ANKRD18B: variants seen among roughly 807,000 people sequenced by gnomAD.
The protein encoded by ANKRD18B is ankyrin repeat domain-containing protein 18B.
Under a neutral mutation model 111.8 loss-of-function variants are expected in ANKRD18B, and 75 were observed. That is an observed-to-expected ratio of 0.67 (90% CI 0.56 to 0.81). The LOEUF is 0.81. ANKRD18B is among the 40% of genes least tolerant of loss of function. ANKRD18B has a pLI of 0.00. For missense variants in ANKRD18B, 1,038 were observed against 1,225.5 expected (o/e 0.85, Z 2.28); for synonymous variants, 356 against 417.3 (o/e 0.85, Z 1.79).
chr9:33,534,775 T>C (rs764763839), intron 5 of ANKRD18B, among the ~76,000 whole-genome samples: 14 of 152,106 alleles, frequency 9.2e-5, no homozygotes, highest in Middle Eastern at 3.4e-3. Flanking sequence ...ATAACTCTTA[T>C]ATATGAGATA....
At chr9:33,571,508 C>T (rs1259997875) in intron 18 of ANKRD18B, 1 of 165,244 alleles carries the variant, frequency 6.1e-6, no homozygotes, top group Non-Finnish European at 1.4e-5. Flanking sequence ...TAAAAAATTC[C>T]CAAGAAGTGG....
At chr9:33,567,618 T>A (rs1828707018) in intron 16 of ANKRD18B, among the ~76,000 whole-genome samples, 1 of 152,224 alleles carries the variant, frequency 6.6e-6, no homozygotes. Flanking sequence ...AATAAAGTGA[T>A]CTTGTTATAA....
Position 33,533,486 on chromosome 9 carries a change from T to C in ANKRD18B, c.543T>C (p.His181=). The change falls in exon 4 of 19, where the codon CAT becomes CAC. Residue 181 remains histidine (H), a synonymous_variant. Coordinates refer to ENST00000684830, the MANE Select transcript of ANKRD18B (RefSeq NM_001393611.1). The part of the protein sequence containing the change: ...LLFAINSRRQ[H]MVEFLLKNQA... Reference sequence around the variant, plus strand: ...TTGCTATAAATTCCAGGAGACAGCATATGGTGGAATTTTTATTGAAGAACC... The same window carrying C: ...TTGCTATAAATTCCAGGAGACAGCACATGGTGGAATTTTTATTGAAGAACC... 6.5e-7 allele frequency: 1 copy of C among 1,534,430 alleles called. No homozygotes were observed.
At chr9:33,533,742 T>C in intron 4 of ANKRD18B, 197 bp downstream of exon 4, 8 of 1,139,874 alleles carry the variant, frequency 7.0e-6, no homozygotes, top group Non-Finnish European at 9.2e-6. Context: ...ATAGTAGGAT[T>C]CATCTTCTCT....
chr9:33,561,137 A>T (rs1828600820), intron 14 of ANKRD18B, among the ~76,000 whole-genome samples: 1 of 152,210 alleles, frequency 6.6e-6, no homozygotes, highest in Non-Finnish European at 1.5e-5. Context: ...TGGCTGCACC[A>T]CTTTACATCC....
rs561868789 is a variant in ANKRD18B, at chr9:33,565,908, C to G, written c.2461-311C>G. Among the ~76,000 whole-genome samples, 4 of 152,222 alleles carry G rather than the reference C, an allele frequency of 2.6e-5. No individual in the cohort carries two copies. The East Asian group carries it at 7.7e-4, about 29-fold the overall frequency. On this transcript the variant is annotated intron_variant, in intron 14 of 18. Coordinates refer to ENST00000684830, the MANE Select transcript of ANKRD18B (RefSeq NM_001393611.1). The stretch of plus-strand genomic sequence containing the variant: ...GATGATGAGGGAAGAGGGTTAGACA[C>G]TTTTTACTAAGAGATAACTTAGTGC...
intron 12 of ANKRD18B, among the ~76,000 whole-genome samples, chr9:33,554,052 A>T (rs1828484866): frequency 6.6e-6 from 1 of 151,522 alleles, no homozygotes; most frequent in Non-Finnish European, 1.5e-5. Context: ...AGCCTGGATG[A>T]CAGAGTGTGA....
chr9:33,532,118 C>T (rs1300229540), intron 3 of ANKRD18B, among the ~76,000 whole-genome samples: 1 of 151,994 alleles, frequency 6.6e-6, no homozygotes, highest in African/African-American at 2.4e-5. Context: ...CCTGTAGTTC[C>T]AGCTATTTGG....
downstream of ANKRD18B, among the ~76,000 whole-genome samples, chr9:33,574,811 A>G (rs10971574): frequency 0.2 from 30,124 of 152,136 alleles, 3,094 homozygotes; most frequent in Middle Eastern, 0.22. Flanking sequence ...GGGATAGAGG[A>G]CACTGACTCT....
intron 10 of ANKRD18B, among the ~76,000 whole-genome samples, chr9:33,544,350 T>C (rs1169327629): frequency 1.3e-5 from 2 of 152,192 alleles, no homozygotes; most frequent in Non-Finnish European, 2.9e-5. Context: ...TTATTTTCTA[T>C]TTTTTCTTTG....
chr9:33,558,136 A>C lies in ANKRD18B; in HGVS notation c.2409A>C (p.Leu803Phe), dbSNP rs1363184079. ...ANEDFSCHGD[L>F]NTDQLKMDIL... ...AAGACTTCAGTTGCCATGGAGACTT[A>C]AATACAGACCAACTGAAAATGGATA... Residue 803 changes from leucine (L) to phenylalanine (F), a missense_variant, in exon 14 of 19, where the codon TTA (leucine) becomes TTC (phenylalanine). Around this residue, in one of 4 missense-constraint regions of ANKRD18B, gnomAD observed 524 missense variants for 677.9 expected, o/e 0.77. Transcript: ENST00000684830. The C allele has an allele frequency of 3.7e-6, 6 of 1,611,922 alleles. No homozygotes were observed. The highest frequency in any genetic ancestry group is 5.1e-6 in the Non-Finnish European group (6 of 1,179,270).
intron 10 of ANKRD18B, 81 bp from the exon 11 acceptor site, chr9:33,547,857 T>C (rs1173826847): frequency 3.0e-6 from 3 of 1,001,382 alleles, no homozygotes; most frequent in Non-Finnish European, 4.1e-6. Flanking sequence ...TGCATGAATG[T>C]ATAGGTTGCT....
intron 17 of ANKRD18B, among the ~76,000 whole-genome samples, chr9:33,570,158 A>G (rs900720620): frequency 2.0e-5 from 3 of 152,224 alleles, no homozygotes; most frequent in Non-Finnish European, 2.9e-5. Flanking sequence ...AGCAACATGG[A>G]TACAGCTGGA....
rs200436620 is a variant in ANKRD18B at position 33,554,181 on chromosome 9, AAAAGAAAG to A, written c.2218-1511_2218-1504del. Among the ~76,000 whole-genome samples, 423 of 151,200 alleles carry A rather than the reference AAAAGAAAG, an allele frequency of 2.8e-3. 2 individuals are homozygous for A. The highest frequency in any genetic ancestry group is 4.7e-3 in the Non-Finnish European group (321 of 67,830). The stretch of plus-strand genomic sequence containing the variant: ...AAAGAAAGAGAGAAAGAAAGAAGGA[AAAAGAAAG>A]AAAGAAAGAAAGAAAAAGAAAGGAC... On this transcript the variant is annotated intron_variant, in intron 12 of 18. Transcript: ENST00000684830.
rs772447300 is a variant in ANKRD18B at position 33,528,762 on chromosome 9, T to A, written c.242T>A (p.Val81Glu). Residue 81 changes from valine (V) to glutamate (E), a missense_variant, in exon 2 of 19, where the codon GTG becomes GAG. This residue lies in a region of ANKRD18B where 216 missense variants were observed against 205.1 expected (regional missense o/e 1.05). Transcript: ENST00000684830. ...VLHLACAHGR[V>E]QVVTLLLDRK... ...CATTTGGCCTGTGCCCATGGCCGTGTGCAAGTGGTCACTCTCTTGCTGGAC... is the reference window on the plus strand; with the variant it reads ...CATTTGGCCTGTGCCCATGGCCGTGAGCAAGTGGTCACTCTCTTGCTGGAC... 5 of 1,613,224 alleles carry A rather than the reference T, an allele frequency of 3.1e-6. No individual in the cohort carries two copies. Among genetic ancestry groups the A allele is most frequent in the Non-Finnish European group, 3.4e-6 (4 of 1,179,666 alleles).
In ANKRD18B at chr9:33,543,211, G is replaced by A; in HGVS notation, c.1105G>A (p.Glu369Lys). The A allele has an allele frequency of 1.3e-6, 2 of 1,552,896 alleles. No individual in the cohort carries two copies. The highest frequency in any genetic ancestry group is 2.4e-5 in the South Asian group (2 of 84,062). Residue 369 changes from glutamate (E) to lysine (K), a missense_variant, in exon 10 of 19, where the codon GAA (glutamate) becomes AAA (lysine). Physicochemically the swap from Glu to Lys is moderately conservative, Grantham distance 56. Around this residue, in one of 4 missense-constraint regions of ANKRD18B, gnomAD observed 205 missense variants for 201.3 expected, o/e 1.02. Coordinates refer to ENST00000684830, the MANE Select transcript of ANKRD18B (RefSeq NM_001393611.1). ...KEHNLKVASEEKQERLERSEN... is the reference protein window; with the variant it reads ...KEHNLKVASEKKQERLERSEN... ...ACACAACTTAAAAGTGGCTTCAGAGGAAAAGCAAGAAAGGCTTGAAAGAAG... is the reference window on the plus strand; with the variant it reads ...ACACAACTTAAAAGTGGCTTCAGAGAAAAAGCAAGAAAGGCTTGAAAGAAG...
chr9:33,527,437 T>G (rs1828042006), intron 1 of ANKRD18B, among the ~76,000 whole-genome samples: 1 of 152,148 alleles, frequency 6.6e-6, no homozygotes, highest in Non-Finnish European at 1.5e-5. Context: ...TTATCCTGCC[T>G]CAGCCTCCCG....
chr9:33,558,429 ATAAG>A (rs1828559462), intron 14 of ANKRD18B, among the ~76,000 whole-genome samples: 1 of 151,988 alleles, frequency 6.6e-6, no homozygotes, highest in Non-Finnish European at 1.5e-5. Flanking sequence ...GCTCCCACTT[ATAAG>A]TGAGAGGATG....
intron 17 of ANKRD18B, 76 bp downstream of exon 17, chr9:33,568,969 G>A: frequency 2.3e-6 from 3 of 1,331,188 alleles, no homozygotes; most frequent in Middle Eastern, 2.7e-4. Flanking sequence ...GTGAAATACT[G>A]AGTTGTTCTG....
Sources: allele counts gnomAD v4.1 joint callset (sites outside exome capture counted in the v4.1 genomes callset), GRCh38; gene constraint gnomAD v4.1.1; regional missense constraint gnomAD v4.1.1; transcripts MANE v1.5; gene names NCBI Gene and HGNC (gene_info 2026-07-23, HGNC 2026-07-21).